Variants in BMPR1B observed in about 807,000 individuals in gnomAD.
The protein encoded by BMPR1B is bone morphogenetic protein receptor type 1B.
In BMPR1B, 12 loss-of-function variants were observed where a neutral mutation model predicts 59.1. That is an observed-to-expected ratio of 0.20 (90% CI 0.13 to 0.33). The LOEUF (loss-of-function observed/expected upper bound fraction) is 0.33, where lower values mean the gene tolerates loss of function less well. Among genes scored for constraint, BMPR1B ranks in the 10% least tolerant of loss-of-function variants. The pLI is 1.00. For synonymous variants in BMPR1B, 237 were observed against 207.3 expected, an observed-to-expected ratio of 1.14 and a Z score of -1.23; for missense variants, 550 against 610.9, an observed-to-expected ratio of 0.90 and a Z score of 1.05.
chr4:94,976,577 G>T (rs763322424), intron 2 of BMPR1B, among the ~76,000 whole-genome samples: 1 of 152,128 alleles, frequency 6.6e-6, no homozygotes, highest in Non-Finnish European at 1.5e-5. Flanking sequence ...TCAGCGTTTT[G>T]TCTTCCAAAT....
intron 2 of BMPR1B, among the ~76,000 whole-genome samples, chr4:94,979,017 T>C (rs1287290253): frequency 6.6e-6 from 1 of 151,902 alleles, no homozygotes; most frequent in Non-Finnish European, 1.5e-5. Context: ...TTTTAGCTCA[T>C]ATGCAGTGAA....
chr4:95,110,175 A>C (rs557045343), intron 4 of BMPR1B, among the ~76,000 whole-genome samples: 1 of 151,902 alleles, frequency 6.6e-6, no homozygotes, highest in Non-Finnish European at 1.5e-5. Flanking sequence ...CAGGCTTGCT[A>C]TATGGAATGG....
intron 2 of BMPR1B, among the ~76,000 whole-genome samples, chr4:94,888,711 C>T (rs1335458343): frequency 6.6e-6 from 1 of 151,996 alleles, no homozygotes; most frequent in Non-Finnish European, 1.5e-5. Context: ...TTTGCTTGCA[C>T]CCATAAACTA....
intron 8 of BMPR1B, among the ~76,000 whole-genome samples, chr4:95,127,044 C>CTGTGTGTGTGTGTG (rs6148578): frequency 0.049 from 7,148 of 146,332 alleles, 225 homozygotes; most frequent in Non-Finnish European, 0.066. Flanking sequence ...AGAATTAAGA[C>CTGTGTGTGTGTGTG]TGTGTGTGTG....
At chr4:95,093,741 T>C (rs1730169816) in intron 3 of BMPR1B, among the ~76,000 whole-genome samples, 1 of 152,082 alleles carries the variant, frequency 6.6e-6, no homozygotes, top group Admixed American at 6.6e-5. Context: ...GTAATGTCGA[T>C]GTGTGAGTAT....
At chr4:94,965,257 G>T (rs990473521) in intron 2 of BMPR1B, among the ~76,000 whole-genome samples, 2 of 152,054 alleles carry the variant, frequency 1.3e-5, no homozygotes, top group Non-Finnish European at 2.9e-5. Flanking sequence ...ACTGTACATA[G>T]TATCTTTTGT....
At chr4:94,778,517 T>C (rs1722467829) in intron 1 of BMPR1B, among the ~76,000 whole-genome samples, 3 of 152,188 alleles carry the variant, frequency 2.0e-5, no homozygotes, top group Admixed American at 1.3e-4. Flanking sequence ...TTTGCTATTA[T>C]AAAGAATGAT....
In BMPR1B at chr4:95,139,561, AC is replaced by A. The variant is rs1049169969; in HGVS notation, c.1076+8052del. On this transcript the variant is annotated intron_variant, in intron 10 of 12. Transcript: ENST00000515059. The stretch of plus-strand genomic sequence containing the variant: ...GCGTCCTTGAGCTGCAGTGGGCTCC[AC>A]CCAGTTTGAGCTTCCTGGCTGCTTT... Among the ~76,000 whole-genome samples, 35 of 152,306 alleles carry A rather than the reference AC, an allele frequency of 2.3e-4. 1 individual carries two copies. Among genetic ancestry groups the A allele is most frequent in the Admixed American group, 8.5e-4 (13 of 15,298 alleles).
At chr4:94,821,753 A>C (rs1252570193) in intron 1 of BMPR1B, among the ~76,000 whole-genome samples, 1 of 152,206 alleles carries the variant, frequency 6.6e-6, no homozygotes, top group Admixed American at 6.5e-5. Context: ...AAGGCTTATA[A>C]ATGCTTTCTT....
chr4:95,151,000 A>G (rs575834108), intron 11 of BMPR1B, among the ~76,000 whole-genome samples: 2 of 152,340 alleles, frequency 1.3e-5, no homozygotes, highest in Non-Finnish European at 1.5e-5. Flanking sequence ...CAGAGAGGCA[A>G]AGCACACAAA....
intron 4 of BMPR1B, among the ~76,000 whole-genome samples, chr4:95,107,401 A>G (rs911471013): frequency 5.3e-5 from 8 of 151,988 alleles, no homozygotes; most frequent in South Asian, 2.1e-4. Flanking sequence ...GTTGTGTTAT[A>G]TGGTTGTCAA....
intron 6 of BMPR1B, among the ~76,000 whole-genome samples, chr4:95,119,756 A>G (rs1157514978): frequency 6.6e-6 from 1 of 152,220 alleles, no homozygotes; most frequent in East Asian, 1.9e-4. Flanking sequence ...ATTACAAATC[A>G]TAAATAGCTG....
intron 2 of BMPR1B, among the ~76,000 whole-genome samples, chr4:94,923,317 C>G (rs1256076210): frequency 6.6e-6 from 1 of 152,008 alleles, no homozygotes; most frequent in Non-Finnish European, 1.5e-5. Context: ...AGTACCTATC[C>G]CACAGTCACA....
intron 1 of BMPR1B, among the ~76,000 whole-genome samples, chr4:94,850,726 G>T (rs1322261696): frequency 1.3e-5 from 2 of 152,122 alleles, no homozygotes; most frequent in African/African-American, 4.8e-5. Context: ...TCCAAGGCTG[G>T]ATCCTACTAC....
At chr4:94,831,887 T>C (rs77135425) in intron 1 of BMPR1B, among the ~76,000 whole-genome samples, 18,258 of 152,156 alleles carry the variant, frequency 0.12, 1,163 homozygotes, top group Non-Finnish European at 0.13. Flanking sequence ...ACAGCACATA[T>C]GAGGGATCTG....
chr4:94,944,841 T>C (rs549827565), intron 2 of BMPR1B, among the ~76,000 whole-genome samples: 1 of 152,346 alleles, frequency 6.6e-6, no homozygotes, highest in Non-Finnish European at 1.5e-5. Flanking sequence ...GGCCTGACTG[T>C]ATGGGACACA....
At chr4:94,767,913 A>G (rs1453538726) in intron 1 of BMPR1B, among the ~76,000 whole-genome samples, 1 of 152,098 alleles carries the variant, frequency 6.6e-6, no homozygotes, top group Non-Finnish European at 1.5e-5. Context: ...CGATAACATA[A>G]TAAAATTATT....
intron 3 of BMPR1B, among the ~76,000 whole-genome samples, chr4:95,052,695 A>G (rs1726594148): frequency 1.3e-5 from 2 of 152,304 alleles, no homozygotes; most frequent in South Asian, 4.1e-4. Flanking sequence ...CTGTGACACT[A>G]TTAAGATACT....
chr4:94,921,482 G>C (rs570769683), intron 2 of BMPR1B, among the ~76,000 whole-genome samples: 3 of 152,134 alleles, frequency 2.0e-5, no homozygotes, highest in Admixed American at 2.0e-4. Flanking sequence ...TTTTATCTGT[G>C]GTGGAAGGCA....
Sources: allele counts gnomAD v4.1 joint callset (sites outside exome capture counted in the v4.1 genomes callset), GRCh38; gene constraint gnomAD v4.1.1; transcripts MANE v1.5; gene names NCBI Gene and HGNC (gene_info 2026-07-23, HGNC 2026-07-21).